The following TPP2 variants were observed in gnomAD, a reference collection of about 807,000 sequenced individuals.
TPP2 encodes tripeptidyl peptidase 2.
TPP2 carries 34 observed loss-of-function variants against 155.9 expected under a neutral mutation model. The observed-to-expected ratio is 0.22, with a 90% confidence interval of 0.17 to 0.29. The LOEUF is 0.29. TPP2 is among the 10% of genes least tolerant of loss of function. The pLI is 1.00. For missense variants in TPP2, 1,028 were observed against 1,522.3 expected, an observed-to-expected ratio of 0.68 and a Z score of 5.40; for synonymous variants, 510 against 529.4, an observed-to-expected ratio of 0.96 and a Z score of 0.50.
intron 27 of TPP2, among the ~76,000 whole-genome samples, chr13:102,671,620 G>A (rs1884988035): frequency 6.6e-6 from 1 of 152,160 alleles, no homozygotes; most frequent in Non-Finnish European, 1.5e-5. Context: ...ACACCTGATT[G>A]TGTTGTCAAT....
At chr13:102,629,319 A>G (rs780180982) in intron 8 of TPP2, among the ~76,000 whole-genome samples, 163 bp from the exon 9 acceptor site, 15 of 152,186 alleles carry the variant, frequency 9.9e-5, no homozygotes, top group Non-Finnish European at 2.1e-4. Flanking sequence ...TCCCTACCCT[A>G]AAGCCCAAGT....
rs1882204113 is a variant in TPP2, at chr13:102,634,067, T to C, written c.1362T>C (p.Asn454=). 1.2e-6 allele frequency: 2 copies of C among 1,614,100 alleles called. No homozygotes were observed. Among genetic ancestry groups the C allele is most frequent in the Admixed American group, 3.3e-5 (2 of 60,012 alleles). Residue 454 remains asparagine, a synonymous_variant, in exon 11 of 30, where the codon AAT becomes AAC. Transcript: ENST00000376052. The part of the protein sequence containing the change: ...LMNGTSMSSP[N]ACGGIALILS... ...ATGGAACATCTATGTCTTCCCCCAA[T>C]GCATGTGGAGGCATTGCCCTGATCC...
Position 102,618,547 on chromosome 13 carries a change from G to T in TPP2, c.496-175G>T, listed in dbSNP as rs41281650. ...TTTATTAATTAGATCTGTATTAATG[G>T]GTATCTGCTTCATTGAATTGAATGA... On this transcript the variant is annotated intron_variant, in intron 4 of 29. Coordinates refer to ENST00000376052, the MANE Select transcript of TPP2 (RefSeq NM_001330588.2). 1.5e-3 allele frequency among the ~76,000 whole-genome samples: 227 copies of T among 152,176 alleles called. 3 individuals carry two copies. Among genetic ancestry groups the T allele is most frequent in the Non-Finnish European group, 2.1e-3 (144 of 68,006 alleles).
intron 13 of TPP2, 42 bp from the exon 14 acceptor site, chr13:102,637,039 GA>G: frequency 6.5e-7 from 1 of 1,542,010 alleles, no homozygotes. Context: ...TGGAAAAAAG[GA>G]AAAAAATACT....
chr13:102,633,896 C>A, intron 10 of TPP2, 54 bp from the exon 11 acceptor site: 1 of 1,607,926 alleles, frequency 6.2e-7, no homozygotes, highest in South Asian at 1.1e-5. Flanking sequence ...TAAAAATGCC[C>A]ATGTATGTTT....
intron 3 of TPP2, among the ~76,000 whole-genome samples, chr13:102,614,612 G>A (rs1880579300): frequency 6.6e-6 from 1 of 151,974 alleles, no homozygotes. Flanking sequence ...TGTTTAACTA[G>A]CCTTCTTGCT....
At chr13:102,633,634 G>A (rs1882170999) in intron 10 of TPP2, among the ~76,000 whole-genome samples, 1 of 152,270 alleles carries the variant, frequency 6.6e-6, no homozygotes, top group African/African-American at 2.4e-5. Context: ...TCATCAAAGA[G>A]TCAGAACAGT....
chr13:102,630,589 G>A (rs77596120), intron 10 of TPP2, among the ~76,000 whole-genome samples: 6,147 of 152,132 alleles, frequency 0.04, 189 homozygotes, highest in Non-Finnish European at 0.058. Flanking sequence ...TAGGGCCCAC[G>A]TACCTGTGGC....
chr13:102,665,806 C>T (rs1192267171), intron 27 of TPP2, among the ~76,000 whole-genome samples: 1 of 152,172 alleles, frequency 6.6e-6, no homozygotes, highest in Non-Finnish European at 1.5e-5. Context: ...AAAATTTTCT[C>T]AGTTTCAGTC....
intron 16 of TPP2, among the ~76,000 whole-genome samples, chr13:102,641,414 C>T (rs902789693): frequency 5.3e-5 from 8 of 152,286 alleles, no homozygotes; most frequent in African/African-American, 1.4e-4. Flanking sequence ...TGTCTAGTCC[C>T]GTCAGAACCC....
intron 20 of TPP2, 77 bp downstream of exon 20, chr13:102,646,467 G>A: frequency 1.8e-6 from 2 of 1,114,320 alleles, no homozygotes; most frequent in Non-Finnish European, 2.6e-6. Context: ...ATCAAAAATG[G>A]AAGGACAGTG....
chr13:102,652,040 G>A (rs1266485863), intron 24 of TPP2, among the ~76,000 whole-genome samples: 1 of 152,086 alleles, frequency 6.6e-6, no homozygotes, highest in Non-Finnish European at 1.5e-5. Flanking sequence ...TTGATTTACT[G>A]CTGGGGCCAG....
intron 27 of TPP2, among the ~76,000 whole-genome samples, chr13:102,669,315 G>A (rs1884815749): frequency 6.6e-6 from 1 of 152,164 alleles, no homozygotes; most frequent in African/African-American, 2.4e-5. Context: ...GCCTGTCCTT[G>A]GGGGTTGTGA....
At chr13:102,619,247 A>G (rs1880973273) in intron 5 of TPP2, among the ~76,000 whole-genome samples, 1 of 152,202 alleles carries the variant, frequency 6.6e-6, no homozygotes, top group South Asian at 2.1e-4. Context: ...TACTAAAACT[A>G]ATAATAATAA....
chr13:102,601,529 T>C (rs1280642181), intron 1 of TPP2, among the ~76,000 whole-genome samples: 1 of 152,230 alleles, frequency 6.6e-6, no homozygotes, highest in Non-Finnish European at 1.5e-5. Context: ...GCAATTTCTG[T>C]TTCATCCAGC....
At chr13:102,665,866 T>C (rs1397408272) in intron 27 of TPP2, among the ~76,000 whole-genome samples, 1 of 152,212 alleles carries the variant, frequency 6.6e-6, no homozygotes. Context: ...CTAGAATTCT[T>C]TCCATTATAT....
chr13:102,646,771 T>G (rs1463700100), intron 20 of TPP2, among the ~76,000 whole-genome samples: 1 of 152,138 alleles, frequency 6.6e-6, no homozygotes, highest in Non-Finnish European at 1.5e-5. Flanking sequence ...TCAGAGTAGC[T>G]CCCAGGTGGG....
At chr13:102,640,746 G>A (rs1200132424) in intron 16 of TPP2, among the ~76,000 whole-genome samples, 1 of 138,230 alleles carries the variant, frequency 7.2e-6, no homozygotes, top group Non-Finnish European at 1.5e-5. Context: ...CACCTCCCCA[G>A]TTCAAACGAT....
chr13:102,664,264 C>CT (rs980731785), intron 26 of TPP2, among the ~76,000 whole-genome samples: 1 of 152,088 alleles, frequency 6.6e-6, no homozygotes, highest in African/African-American at 2.4e-5. Context: ...TCTTAAAAGA[C>CT]TTTAACAAGA....
Sources: allele counts gnomAD v4.1 joint callset (sites outside exome capture counted in the v4.1 genomes callset), GRCh38; gene constraint gnomAD v4.1.1; transcripts MANE v1.5; gene names NCBI Gene and HGNC (gene_info 2026-07-23, HGNC 2026-07-21).